Variants in PREX1 observed in about 807,000 individuals in gnomAD.
PREX1 encodes the protein phosphatidylinositol-3,4,5-trisphosphate dependent Rac exchange factor 1.
In PREX1, 41 loss-of-function variants were observed where a neutral mutation model predicts 198.3. That is an observed-to-expected ratio of 0.21 (90% CI 0.16 to 0.27). The LOEUF (loss-of-function observed/expected upper bound fraction) is 0.27. Ranked by LOEUF, PREX1 falls within the 10% of genes least tolerant of loss-of-function variation. The pLI is 1.00. For missense variants in PREX1, 1,620 were observed against 2,200.7 expected, an observed-to-expected ratio of 0.74 and a Z score of 5.28; for synonymous variants, 843 against 887.2, an observed-to-expected ratio of 0.95 and a Z score of 0.89.
Position 48,625,513 on chromosome 20 carries a change from G to C in PREX1, c.*372C>G. The C allele has an allele frequency of 4.5e-6, 1 of 224,304 alleles. No individual in the cohort carries two copies. The highest frequency in any genetic ancestry group is 8.7e-6 in the Non-Finnish European group (1 of 114,336). 13.9% of individuals were successfully genotyped at this position (224,304 alleles called of 1,614,324 possible). On this transcript the variant is annotated 3_prime_UTR_variant, in exon 40 of 40. Coordinates refer to ENST00000371941, the MANE Select transcript of PREX1 (RefSeq NM_020820.4). ...GTTGAAGGAAACCGGGGTTTCAAAAGTGCAGGCGGAGCCATCCCGAGGGAG... is the reference window on the plus strand; with the variant it reads ...GTTGAAGGAAACCGGGGTTTCAAAACTGCAGGCGGAGCCATCCCGAGGGAG...
intron 9 of PREX1, 29 bp from the exon 10 acceptor site, chr20:48,688,833 A>T: frequency 6.2e-7 from 1 of 1,612,494 alleles, no homozygotes; most frequent in Non-Finnish European, 8.5e-7. Context: ...AGCACTGGAG[A>T]GAGCACCAGG....
At chr20:48,749,721 G>A (rs532005018) in intron 1 of PREX1, among the ~76,000 whole-genome samples, 1 of 152,308 alleles carries the variant, frequency 6.6e-6, no homozygotes, top group Non-Finnish European at 1.5e-5. Context: ...CTTCGTCTCT[G>A]TCCACACAGA....
chr20:48,633,802 G>A (rs774546664), intron 33 of PREX1, among the ~76,000 whole-genome samples: 5 of 152,194 alleles, frequency 3.3e-5, no homozygotes, highest in East Asian at 1.9e-4. Flanking sequence ...CCCTGGGATC[G>A]TTGCAAAGTT....
chr20:48,723,209 G>GGAGTTCAGCTCAAA (rs2089993724), intron 5 of PREX1, among the ~76,000 whole-genome samples: 1 of 152,186 alleles, frequency 6.6e-6, no homozygotes, highest in South Asian at 2.1e-4. Context: ...ACCCCAAGTG[G>GGAGTTCAGCTCAAA]GAGTTCAGCT....
chr20:48,682,107 A>G (rs2123022715), intron 10 of PREX1, among the ~76,000 whole-genome samples: 1 of 152,182 alleles, frequency 6.6e-6, no homozygotes. Context: ...CTCACCCCCA[A>G]TACCTCTCAT....
intron 1 of PREX1, among the ~76,000 whole-genome samples, chr20:48,809,917 G>A (rs2090426892): frequency 6.6e-6 from 1 of 152,160 alleles, no homozygotes; most frequent in African/African-American, 2.4e-5. Context: ...GCCACAGGAA[G>A]TGGAAGTCTG....
At chr20:48,626,263 T>C (rs1011011090) in intron 39 of PREX1, among the ~76,000 whole-genome samples, 4 of 152,196 alleles carry the variant, frequency 2.6e-5, no homozygotes, top group Admixed American at 6.5e-5. Flanking sequence ...GCAGTTTCAC[T>C]TGCTCTATCC....
chr20:48,634,227 G>C (rs1287966986), intron 33 of PREX1, among the ~76,000 whole-genome samples: 3 of 152,120 alleles, frequency 2.0e-5, no homozygotes, highest in South Asian at 4.1e-4. Context: ...CAGGTGGAAG[G>C]ATGGGTGGAA....
chr20:48,816,661 G>A (rs1054807643), intron 1 of PREX1, among the ~76,000 whole-genome samples: 1 of 152,130 alleles, frequency 6.6e-6, no homozygotes, highest in African/African-American at 2.4e-5. Context: ...TCTAGGAAGT[G>A]AGGGTGATCA....
intron 26 of PREX1, 53 bp from the exon 27 acceptor site, chr20:48,644,550 G>A: frequency 6.5e-7 from 1 of 1,536,000 alleles, no homozygotes; most frequent in Non-Finnish European, 8.9e-7. Context: ...AGGCCATCTG[G>A]TCCTGGCACC....
At position 48,652,720 on chromosome 20, in the gene PREX1, G is replaced by A; in HGVS notation, c.2347-14C>T. On this transcript the variant is annotated splice_polypyrimidine_tract_variant and intron_variant, in intron 20 of 39. Coordinates refer to ENST00000371941, the MANE Select transcript of PREX1 (RefSeq NM_020820.4). ...CTGGTACAGGCCCTGCCAGAAGCCA[G>A]AGTAAGGGGACAGCCATGGTGCCGG... 1 of 1,609,326 alleles carries A rather than the reference G, an allele frequency of 6.2e-7. No individual in the cohort carries two copies. The highest frequency in any genetic ancestry group is 8.5e-7 in the Non-Finnish European group (1 of 1,177,416).
chr20:48,877,077 C>A, the PREX1 span, among the ~76,000 whole-genome samples: 1 of 152,130 alleles, frequency 6.6e-6, no homozygotes, highest in Non-Finnish European at 1.5e-5. Flanking sequence ...CAAGACCAGC[C>A]TGACCAACAT....
chr20:48,881,549 C>G, the PREX1 span, among the ~76,000 whole-genome samples: 1 of 150,574 alleles, frequency 6.6e-6, no homozygotes, highest in Non-Finnish European at 1.5e-5. Flanking sequence ...TGCAATGGTA[C>G]GATCTCAGCT....
At chr20:48,798,982 C>T (rs1003871949) in intron 1 of PREX1, among the ~76,000 whole-genome samples, 18 of 152,158 alleles carry the variant, frequency 1.2e-4, no homozygotes, top group African/African-American at 4.3e-4. Context: ...CTGAAACCTC[C>T]ACCTCCCGAG....
chr20:48,633,152 G>A (rs529127628), intron 33 of PREX1, among the ~76,000 whole-genome samples: 3 of 152,090 alleles, frequency 2.0e-5, no homozygotes, highest in Non-Finnish European at 2.9e-5. Flanking sequence ...ATCACTCATC[G>A]ATCAAAGCTC....
At chr20:48,874,372 C>CGTGTGTGTGT in the PREX1 span, among the ~76,000 whole-genome samples, 5 of 127,920 alleles carry the variant, frequency 3.9e-5, no homozygotes, top group African/African-American at 9.0e-5. Flanking sequence ...GAGGGGTGTC[C>CGTGTGTGTGT]GTGTGTGTGT....
In PREX1 at chr20:48,815,320, C is replaced by T. The variant is rs555521541; in HGVS notation, c.219+12322G>A. On this transcript the variant is annotated intron_variant, in intron 1 of 39. Coordinates refer to ENST00000371941, the MANE Select transcript of PREX1 (RefSeq NM_020820.4). ...ATTTGTAGAACACTGCACCCAACGA[C>T]AGCAGAAGACACATTCTTTTCAAAT... 7.6e-4 allele frequency among the ~76,000 whole-genome samples: 116 copies of T among 152,334 alleles called. 3 individuals carry two copies. The South Asian group carries it at 0.023, about 30-fold the overall frequency.
chr20:48,852,778 G>A, the PREX1 span, among the ~76,000 whole-genome samples: 1 of 152,164 alleles, frequency 6.6e-6, no homozygotes, highest in Admixed American at 6.5e-5. Flanking sequence ...CATCAATAGG[G>A]GACTAGCCCA....
At chr20:48,754,671 G>C (rs1337918045) in intron 1 of PREX1, among the ~76,000 whole-genome samples, 1 of 148,748 alleles carries the variant, frequency 6.7e-6, no homozygotes, top group Non-Finnish European at 1.5e-5. Context: ...AGAGGGCCAG[G>C]GTATGGGCTG....
Sources: gnomAD v4.1 joint callset for allele counts (sites outside exome capture counted in the v4.1 genomes callset) on GRCh38, gnomAD v4.1.1 for gene constraint, MANE v1.5 for transcripts, NCBI Gene and HGNC (gene_info 2026-07-23, HGNC 2026-07-21) for gene names.